Variants in RANBP2 observed in about 807,000 individuals in gnomAD.
The protein encoded by RANBP2 is E3 SUMO-protein ligase RanBP2.
In RANBP2, 57 loss-of-function variants were observed where a neutral mutation model predicts 303.6. The ratio of observed to expected loss-of-function variants is 0.19; its 90% CI spans 0.15 to 0.23. The LOEUF is 0.23. Among genes scored for constraint, RANBP2 ranks in the 10% least tolerant of loss-of-function variants. The pLI is 1.00. For synonymous variants in RANBP2, 1,167 were observed against 1,301.5 expected (o/e 0.90, Z 2.23); for missense variants, 3,138 against 3,780.8 (o/e 0.83, Z 4.46).
the RANBP2 span, among the ~76,000 whole-genome samples, chr2:108,808,572 C>T: frequency 2.6e-5 from 4 of 152,088 alleles, no homozygotes; most frequent in African/African-American, 7.2e-5. Flanking sequence ...GAGATTGATA[C>T]CTGATCATGG....
chr2:109,376,333 C>T, the RANBP2 span, among the ~76,000 whole-genome samples: 1 of 152,184 alleles, frequency 6.6e-6, no homozygotes, highest in Non-Finnish European at 1.5e-5. Context: ...CTCTTGGAAG[C>T]TGTCTTTAAG....
chr2:109,691,253 A>T, the RANBP2 span, among the ~76,000 whole-genome samples: 1 of 152,218 alleles, frequency 6.6e-6, no homozygotes, highest in Non-Finnish European at 1.5e-5. Flanking sequence ...GACTATTGGG[A>T]GAGAAATTTC....
At chr2:109,455,695 T>C in the RANBP2 span, among the ~76,000 whole-genome samples, 1 of 152,116 alleles carries the variant, frequency 6.6e-6, no homozygotes, top group Non-Finnish European at 1.5e-5. Flanking sequence ...TCCTCTCGAG[T>C]GGAGGCACCC....
chr2:109,400,487 A>T, the RANBP2 span, among the ~76,000 whole-genome samples: 1 of 152,104 alleles, frequency 6.6e-6, no homozygotes, highest in Non-Finnish European at 1.5e-5. Flanking sequence ...ACACATGCGT[A>T]CAGGTGCATT....
At chr2:109,671,484 T>C in the RANBP2 span, among the ~76,000 whole-genome samples, 9 of 152,102 alleles carry the variant, frequency 5.9e-5, no homozygotes, top group Non-Finnish European at 1.5e-5. Flanking sequence ...GGTAGGAAGC[T>C]GTGGTTGCTG....
the RANBP2 span, among the ~76,000 whole-genome samples, chr2:108,800,177 T>C: frequency 6.6e-6 from 1 of 152,212 alleles, no homozygotes; most frequent in Admixed American, 6.5e-5. Context: ...TTCTGGTTAA[T>C]GCATAGATTT....
intron 1 of RANBP2, among the ~76,000 whole-genome samples, chr2:108,726,443 T>G (rs1034418339): frequency 3.3e-5 from 5 of 151,182 alleles, no homozygotes; most frequent in African/African-American, 7.3e-5. Flanking sequence ...TTTTTGTTTT[T>G]TTTTTTTTTT....
the RANBP2 span, among the ~76,000 whole-genome samples, chr2:109,309,218 C>T: frequency 7.8e-6 from 1 of 128,928 alleles, no homozygotes; most frequent in Non-Finnish European, 1.6e-5. Context: ...TGATTTGGCT[C>T]TCTGTTTGTC....
chr2:109,285,360 G>A, the RANBP2 span, among the ~76,000 whole-genome samples: 1 of 152,220 alleles, frequency 6.6e-6, no homozygotes, highest in Non-Finnish European at 1.5e-5. Context: ...TGAGTCATTA[G>A]CATGCCTTTC....
At chr2:109,652,015 G>A in the RANBP2 span, among the ~76,000 whole-genome samples, 1 of 152,204 alleles carries the variant, frequency 6.6e-6, no homozygotes, top group African/African-American at 2.4e-5. Flanking sequence ...AGTGACAGGG[G>A]CCAATGCTTC....
At chr2:108,777,352 T>TTTAGTA in intron 25 of RANBP2, 121 bp downstream of exon 25, 1 of 491,594 alleles carries the variant, frequency 2.0e-6, no homozygotes, top group Non-Finnish European at 3.4e-6. Context: ...CCCCAGTTTG[T>TTTAGTA]TTTAGTGTTT....
chr2:109,249,523 C>CTTTCTTTCTTTCTTTCTT, the RANBP2 span, among the ~76,000 whole-genome samples: 2 of 107,296 alleles, frequency 1.9e-5, no homozygotes, highest in African/African-American at 7.2e-5. Context: ...CTTTCTTTTT[C>CTTTCTTTCTTTCTTTCTT]TTTCTTTCTT....
the RANBP2 span, among the ~76,000 whole-genome samples, chr2:109,701,197 A>G: frequency 6.6e-6 from 1 of 152,232 alleles, no homozygotes; most frequent in Admixed American, 6.5e-5. Flanking sequence ...AACTGGGGGC[A>G]GTTTCTTCAT....
the RANBP2 span, among the ~76,000 whole-genome samples, chr2:108,838,544 C>G: frequency 1.3e-5 from 2 of 152,074 alleles, no homozygotes; most frequent in Non-Finnish European, 2.9e-5. Context: ...TGGGAGTATT[C>G]TGTTAGAGCC....
chr2:108,798,816 T>TACACACACACAC, the RANBP2 span, among the ~76,000 whole-genome samples: 47 of 131,636 alleles, frequency 3.6e-4, 1 homozygote, highest in East Asian at 2.8e-3. Context: ...TCTCCACACC[T>TACACACACACAC]ACACACACAC....
the RANBP2 span, among the ~76,000 whole-genome samples, chr2:109,672,808 T>C: frequency 1.3e-5 from 2 of 152,222 alleles, no homozygotes; most frequent in African/African-American, 2.4e-5. Context: ...AGATAGCTTA[T>C]TTTATAGAGA....
the RANBP2 span, among the ~76,000 whole-genome samples, chr2:109,729,909 A>C: frequency 6.6e-6 from 1 of 152,344 alleles, no homozygotes; most frequent in Non-Finnish European, 1.5e-5. Flanking sequence ...AAGGGGAAGC[A>C]GGCACCTTCT....
At chr2:109,494,861 G>A in the RANBP2 span, among the ~76,000 whole-genome samples, 59 of 152,250 alleles carry the variant, frequency 3.9e-4, no homozygotes, top group African/African-American at 1.3e-3. Context: ...GAGAGCGGGC[G>A]CTGCTCTCCT....
At chr2:108,923,446 T>G in the RANBP2 span, 2 of 1,613,982 alleles carry the variant, frequency 1.2e-6, no homozygotes, top group African/African-American at 2.7e-5. Context: ...TTCTCCAGCA[T>G]GTAGTAGCTA....
Sources: gnomAD v4.1 joint callset for allele counts (sites outside exome capture counted in the v4.1 genomes callset) on GRCh38, gnomAD v4.1.1 for gene constraint, MANE v1.5 for transcripts, NCBI Gene and HGNC (gene_info 2026-07-23, HGNC 2026-07-21) for gene names.